The following CDH13 variants were observed in gnomAD, a reference collection of about 807,000 sequenced individuals.
CDH13 encodes the protein cadherin-13.
CDH13 carries 24 observed loss-of-function variants against 63.8 expected under a neutral mutation model. The ratio of observed to expected loss-of-function variants is 0.38; its 90% CI spans 0.27 to 0.53. The LOEUF (loss-of-function observed/expected upper bound fraction) is 0.53. CDH13 is among the 20% of genes least tolerant of loss of function. The pLI is 0.85. For missense variants in CDH13, 1,049 were observed against 903.1 expected, an observed-to-expected ratio of 1.16 and a Z score of -2.07; for synonymous variants, 503 against 355.3, an observed-to-expected ratio of 1.42 and a Z score of -4.67.
intron 4 of CDH13, among the ~76,000 whole-genome samples, chr16:83,154,370 C>T (rs138839003): frequency 6.6e-6 from 1 of 152,126 alleles, no homozygotes; most frequent in Non-Finnish European, 1.5e-5. Context: ...TCCAGGCCAA[C>T]ATGGTGAAAC....
intron 2 of CDH13, among the ~76,000 whole-genome samples, chr16:82,970,664 G>A (rs1268392796): frequency 8.5e-6 from 1 of 117,350 alleles, no homozygotes; most frequent in Non-Finnish European, 2.1e-5. Context: ...CTCCCAAAGT[G>A]CCAGTGCATA....
chr16:83,389,724 C>G (rs1462275980), intron 6 of CDH13, among the ~76,000 whole-genome samples: 1 of 152,302 alleles, frequency 6.6e-6, no homozygotes, highest in African/African-American at 2.4e-5. Flanking sequence ...TCCCCTCAAA[C>G]TCCAATGAAT....
intron 7 of CDH13, among the ~76,000 whole-genome samples, chr16:83,543,314 G>T (rs1319333850): frequency 6.6e-6 from 1 of 152,216 alleles, no homozygotes; most frequent in Non-Finnish European, 1.5e-5. Context: ...AACAACCTTA[G>T]TGGGCCTTCA....
At chr16:83,761,115 C>T (rs535907466) in intron 11 of CDH13, among the ~76,000 whole-genome samples, 3 of 152,128 alleles carry the variant, frequency 2.0e-5, no homozygotes, top group African/African-American at 7.2e-5. Flanking sequence ...TTTAAATACC[C>T]CTTAGAGGAT....
At chr16:82,923,905 C>G (rs2042230569) in intron 2 of CDH13, among the ~76,000 whole-genome samples, 1 of 152,190 alleles carries the variant, frequency 6.6e-6, no homozygotes, top group Non-Finnish European at 1.5e-5. Context: ...CCCAGCCCTT[C>G]CTCTCTGCAA....
At chr16:83,705,372 T>C (rs981317650) in intron 10 of CDH13, among the ~76,000 whole-genome samples, 2 of 152,254 alleles carry the variant, frequency 1.3e-5, no homozygotes, top group South Asian at 2.1e-4. Context: ...CCTGTAATCC[T>C]AGCACTTTGG....
chr16:82,820,720 C>G (rs1453579154), intron 1 of CDH13, among the ~76,000 whole-genome samples: 1 of 152,182 alleles, frequency 6.6e-6, no homozygotes, highest in Non-Finnish European at 1.5e-5. Context: ...GTGAGACTCA[C>G]ACTATAACCA....
chr16:83,345,682 A>G (rs2090824654), intron 6 of CDH13, among the ~76,000 whole-genome samples: 1 of 152,202 alleles, frequency 6.6e-6, no homozygotes, highest in Admixed American at 6.5e-5. Flanking sequence ...AAAGTATCCC[A>G]CAGCCAGCAG....
At chr16:82,758,508 G>C (rs986984856) in intron 1 of CDH13, among the ~76,000 whole-genome samples, 2 of 151,700 alleles carry the variant, frequency 1.3e-5, no homozygotes, top group African/African-American at 2.4e-5. Context: ...ACTAGTTCAA[G>C]TTTCTGAGGG....
At chr16:83,345,886 C>T (rs546844521) in intron 6 of CDH13, among the ~76,000 whole-genome samples, 2 of 152,080 alleles carry the variant, frequency 1.3e-5, no homozygotes, top group Non-Finnish European at 2.9e-5. Flanking sequence ...TTCGTCAGAC[C>T]AGACAGGAGA....
chr16:82,868,460 A>G (rs1341498028), intron 2 of CDH13, among the ~76,000 whole-genome samples: 1 of 152,238 alleles, frequency 6.6e-6, no homozygotes, highest in African/African-American at 2.4e-5. Flanking sequence ...ATAAGAAATG[A>G]ACATATGTAC....
intron 11 of CDH13, among the ~76,000 whole-genome samples, chr16:83,748,635 T>C (rs1353327661): frequency 6.6e-6 from 1 of 152,190 alleles, no homozygotes; most frequent in Non-Finnish European, 1.5e-5. Flanking sequence ...ACCCTGACCA[T>C]TGAATTGTTC....
At chr16:82,862,377 T>C (rs540474098) in intron 2 of CDH13, among the ~76,000 whole-genome samples, 72 of 152,294 alleles carry the variant, frequency 4.7e-4, no homozygotes, top group African/African-American at 1.6e-3. Flanking sequence ...AACAGGATAG[T>C]CTGCTTTGAT....
intron 3 of CDH13, among the ~76,000 whole-genome samples, chr16:83,100,992 T>C (rs2034447879): frequency 6.6e-6 from 1 of 152,202 alleles, no homozygotes; most frequent in South Asian, 2.1e-4. Flanking sequence ...TTTCATTTCC[T>C]ATATGATTCA....
At chr16:82,837,001 G>T (rs2038795752) in intron 1 of CDH13, among the ~76,000 whole-genome samples, 1 of 152,204 alleles carries the variant, frequency 6.6e-6, no homozygotes, top group African/African-American at 2.4e-5. Context: ...TTAAGAGGTG[G>T]AGCTTGAATG....
intron 1 of CDH13, among the ~76,000 whole-genome samples, chr16:82,654,478 G>T (rs1911075862): frequency 6.6e-6 from 1 of 152,166 alleles, no homozygotes; most frequent in African/African-American, 2.4e-5. Flanking sequence ...ATTAAATGAA[G>T]ATTTAGATAA....
intron 2 of CDH13, among the ~76,000 whole-genome samples, chr16:82,964,916 T>C (rs1907587383): frequency 1.3e-5 from 2 of 152,128 alleles, no homozygotes. Flanking sequence ...AGGGGAATGG[T>C]TGGCAGGGGC....
At chr16:83,059,289 C>G (rs1597244756) in intron 3 of CDH13, among the ~76,000 whole-genome samples, 3 of 152,084 alleles carry the variant, frequency 2.0e-5, no homozygotes, top group Admixed American at 6.5e-5. Context: ...CCCTACTGTC[C>G]ATGGATTGAG....
chr16:83,311,908 C>T (rs756304166), intron 5 of CDH13, among the ~76,000 whole-genome samples: 62 of 152,008 alleles, frequency 4.1e-4, no homozygotes, highest in Non-Finnish European at 7.9e-4. Context: ...AACCCCGTCT[C>T]TACTGAAAAT....
Sources: gnomAD v4.1 joint callset for allele counts (sites outside exome capture counted in the v4.1 genomes callset) on GRCh38, gnomAD v4.1.1 for gene constraint, MANE v1.5 for transcripts, NCBI Gene and HGNC (gene_info 2026-07-23, HGNC 2026-07-21) for gene names.